The following BTBD9 variants were observed in gnomAD, a reference collection of about 807,000 sequenced individuals.
BTBD9 encodes the protein BTB/POZ domain-containing protein 9.
Under a neutral mutation model 64.3 loss-of-function variants are expected in BTBD9, and 49 were observed. That is an observed-to-expected ratio of 0.76 (90% CI 0.61 to 0.97). The LOEUF (loss-of-function observed/expected upper bound fraction) is 0.97. Among genes scored for constraint, BTBD9 ranks in the 50% least tolerant of loss-of-function variants. BTBD9 has a pLI of 0.00. For missense variants in BTBD9, 598 were observed against 762.1 expected (o/e 0.78, Z 2.53); for synonymous variants, 260 against 274.7 (o/e 0.95, Z 0.53).
intron 6 of BTBD9, among the ~76,000 whole-genome samples, chr6:38,356,251 C>T (rs1764724691): frequency 6.6e-6 from 1 of 152,132 alleles, no homozygotes; most frequent in South Asian, 2.1e-4. Context: ...TTTTGAAACC[C>T]ATGTTTTCAA....
intron 6 of BTBD9, among the ~76,000 whole-genome samples, chr6:38,440,113 C>T (rs1387317918): frequency 6.6e-6 from 1 of 152,080 alleles, no homozygotes; most frequent in Non-Finnish European, 1.5e-5. Flanking sequence ...CAAGGAAGTC[C>T]AAGCTGGATA....
intron 8 of BTBD9, among the ~76,000 whole-genome samples, chr6:38,269,750 C>T (rs1009320548): frequency 7.9e-5 from 12 of 152,140 alleles, no homozygotes; most frequent in African/African-American, 2.9e-4. Flanking sequence ...GAGTAGCTTC[C>T]CTTCTTCCAC....
intron 4 of BTBD9, among the ~76,000 whole-genome samples, chr6:38,582,436 G>A (rs571101239): frequency 1.3e-5 from 2 of 152,246 alleles, no homozygotes; most frequent in Admixed American, 6.5e-5. Flanking sequence ...GAGAAGTGGA[G>A]GCAGAAAAAA....
At chr6:38,439,095 T>C (rs1768892518) in intron 6 of BTBD9, among the ~76,000 whole-genome samples, 1 of 148,472 alleles carries the variant, frequency 6.7e-6, no homozygotes, top group Non-Finnish European at 1.5e-5. Context: ...TCTTGTAGGC[T>C]CGTGTAGCAA....
chr6:38,574,743 C>T lies in BTBD9; in HGVS notation c.1154+2857G>A, dbSNP rs72500576. The stretch of plus-strand genomic sequence containing the variant: ...ATACTAGGGCTCAGAGAGGCACAAT[C>T]GTATTACAACACAAATATGAGGTGA... On this transcript the variant is annotated intron_variant, in intron 6 of 10. Transcript: ENST00000481247. Among the ~76,000 whole-genome samples the T allele has an allele frequency of 2.3e-3, 344 of 152,246 alleles. 3 individuals carry two copies. The Middle Eastern group carries it at 0.024, about 11-fold the overall frequency.
chr6:38,492,665 A>T (rs1368943753), intron 6 of BTBD9, among the ~76,000 whole-genome samples: 2 of 152,202 alleles, frequency 1.3e-5, no homozygotes, highest in Non-Finnish European at 2.9e-5. Context: ...TTTTGTGTGT[A>T]TGTATAATAT....
chr6:38,394,966 G>GGA (rs1554146386), intron 6 of BTBD9, among the ~76,000 whole-genome samples: 2 of 148,330 alleles, frequency 1.3e-5, no homozygotes, highest in South Asian at 2.1e-4. Flanking sequence ...AAAGAGAGGG[G>GGA]AAAAAAAAAA....
intron 1 of BTBD9, among the ~76,000 whole-genome samples, chr6:38,634,074 A>C (rs1778448327): frequency 6.6e-6 from 1 of 152,228 alleles, no homozygotes; most frequent in African/African-American, 2.4e-5. Flanking sequence ...ATAAATGCTT[A>C]ATGAATGTTA....
chr6:38,489,798 T>C (rs774891461), intron 6 of BTBD9, among the ~76,000 whole-genome samples: 1 of 152,272 alleles, frequency 6.6e-6, no homozygotes, highest in African/African-American at 2.4e-5. Flanking sequence ...ATTCCCAATG[T>C]CACACGTCCT....
At chr6:38,523,966 GACTAC>G (rs1484271907) in intron 6 of BTBD9, among the ~76,000 whole-genome samples, 12 of 152,118 alleles carry the variant, frequency 7.9e-5, no homozygotes, top group African/African-American at 2.9e-4. Flanking sequence ...TGGTATTTCT[GACTAC>G]ACTATTCATT....
At chr6:38,490,495 A>G (rs1318088701) in intron 6 of BTBD9, among the ~76,000 whole-genome samples, 1 of 151,800 alleles carries the variant, frequency 6.6e-6, no homozygotes, top group East Asian at 1.9e-4. Flanking sequence ...TAATTTTTGT[A>G]TTTTTAGTAG....
chr6:38,466,815 T>C (rs551903321), intron 6 of BTBD9, among the ~76,000 whole-genome samples: 2 of 152,286 alleles, frequency 1.3e-5, no homozygotes, highest in Non-Finnish European at 2.9e-5. Flanking sequence ...TGACCTCAAG[T>C]GATCCACCTG....
intron 6 of BTBD9, among the ~76,000 whole-genome samples, chr6:38,505,970 A>C (rs1234934240): frequency 2.7e-5 from 4 of 148,680 alleles, no homozygotes; most frequent in African/African-American, 9.9e-5. Flanking sequence ...TCAACAAAAA[A>C]AAAAAAAAAA....
chr6:38,544,453 G>T (rs1002631246), intron 6 of BTBD9, among the ~76,000 whole-genome samples: 1 of 151,978 alleles, frequency 6.6e-6, no homozygotes, highest in African/African-American at 2.4e-5. Context: ...ATATGGGGAG[G>T]GTGCTACAAT....
chr6:38,270,361 T>C lies in BTBD9; in HGVS notation c.1455-13845A>G, dbSNP rs185631892. The stretch of plus-strand genomic sequence containing the variant: ...ACCCCCCACTACCCCTCTGCATCAC[T>C]GCCCTGACTCCCATTCAGGAAGGTA... On this transcript the variant is annotated intron_variant, in intron 8 of 10. Coordinates refer to ENST00000481247, the MANE Select transcript of BTBD9 (RefSeq NM_001099272.2). 4.5e-3 allele frequency among the ~76,000 whole-genome samples: 660 copies of C among 148,120 alleles called. 33 individuals carry two copies. The South Asian group carries it at 0.11, about 25-fold the overall frequency.
chr6:38,278,938 C>A (rs916456189), intron 8 of BTBD9, among the ~76,000 whole-genome samples: 2 of 152,180 alleles, frequency 1.3e-5, no homozygotes, highest in African/African-American at 4.8e-5. Flanking sequence ...GCATACTCTG[C>A]ATTTATCTAT....
At chr6:38,605,359 TTCTTAGTAAGTG>T (rs1777396777) in intron 1 of BTBD9, among the ~76,000 whole-genome samples, 13 of 152,176 alleles carry the variant, frequency 8.5e-5, no homozygotes, top group Admixed American at 8.5e-4. Flanking sequence ...GCTTTACTAG[TTCTTAGTAAGTG>T]GATGGCACTG....
intron 6 of BTBD9, among the ~76,000 whole-genome samples, chr6:38,545,881 C>T (rs1034094023): frequency 2.0e-5 from 3 of 149,870 alleles, no homozygotes; most frequent in Non-Finnish European, 4.4e-5. Flanking sequence ...CACACACACA[C>T]ACACACACAC....
chr6:38,452,155 G>A (rs1769585133), intron 6 of BTBD9, among the ~76,000 whole-genome samples: 1 of 151,970 alleles, frequency 6.6e-6, no homozygotes, highest in South Asian at 2.1e-4. Flanking sequence ...ACTAAACTAT[G>A]TATTTTACAA....
Sources: gnomAD v4.1 joint callset for allele counts (sites outside exome capture counted in the v4.1 genomes callset) on GRCh38, gnomAD v4.1.1 for gene constraint, MANE v1.5 for transcripts, NCBI Gene and HGNC (gene_info 2026-07-23, HGNC 2026-07-21) for gene names.